TMEM132D: variants seen among roughly 807,000 people sequenced by gnomAD.
The protein encoded by TMEM132D is transmembrane protein 132D.
TMEM132D carries 21 observed loss-of-function variants against 62.3 expected under a neutral mutation model. That is an observed-to-expected ratio of 0.34 (90% CI 0.24 to 0.49). The LOEUF (loss-of-function observed/expected upper bound fraction) is 0.49. TMEM132D is among the 20% of genes least tolerant of loss of function. The pLI, the probability that TMEM132D is intolerant of heterozygous loss-of-function variation, is 0.99. For synonymous variants in TMEM132D, 621 were observed against 575.6 expected, an observed-to-expected ratio of 1.08 and a Z score of -1.13; for missense variants, 1,346 against 1,402.8, an observed-to-expected ratio of 0.96 and a Z score of 0.65.
At chr12:129,301,153 C>A (rs149179612) in intron 4 of TMEM132D, among the ~76,000 whole-genome samples, 21 of 152,282 alleles carry the variant, frequency 1.4e-4, no homozygotes, top group Admixed American at 6.5e-4. Flanking sequence ...AGAGCAGAAG[C>A]TGGAAAGCAA....
intron 2 of TMEM132D, among the ~76,000 whole-genome samples, chr12:129,574,102 A>G (rs1049968278): frequency 1.3e-5 from 2 of 151,994 alleles, no homozygotes; most frequent in African/African-American, 4.9e-5. Context: ...AGGAACAAAC[A>G]TTAAACTCGA....
At chr12:129,287,739 T>G (rs1183303241) in intron 4 of TMEM132D, among the ~76,000 whole-genome samples, 1 of 67,252 alleles carries the variant, frequency 1.5e-5, no homozygotes, top group African/African-American at 3.6e-5. Flanking sequence ...GGTATTCATG[T>G]TAAAAAAGGT....
At chr12:129,432,239 ATGGATGGT>A (rs1872678851) in intron 3 of TMEM132D, among the ~76,000 whole-genome samples, 1 of 150,670 alleles carries the variant, frequency 6.6e-6, no homozygotes, top group Non-Finnish European at 1.5e-5. Flanking sequence ...GGATGGATGG[ATGGATGGT>A]TGCTTGGATG....
intron 5 of TMEM132D, among the ~76,000 whole-genome samples, chr12:129,155,096 A>T (rs1593279026): frequency 6.6e-6 from 1 of 152,256 alleles, no homozygotes; most frequent in Non-Finnish European, 1.5e-5. Context: ...CACATCAATG[A>T]TTCCTTACAT....
At chr12:129,297,950 T>G (rs1881617963) in intron 4 of TMEM132D, among the ~76,000 whole-genome samples, 1 of 152,154 alleles carries the variant, frequency 6.6e-6, no homozygotes. Flanking sequence ...AATTAAATGT[T>G]TTTTAGGAAG....
At chr12:129,282,372 A>C (rs563217671) in intron 4 of TMEM132D, among the ~76,000 whole-genome samples, 17 of 152,286 alleles carry the variant, frequency 1.1e-4, no homozygotes, top group Admixed American at 7.2e-4. Context: ...GCACATAAAA[A>C]AATATCTGCA....
At chr12:129,715,849 C>A (rs964390753) in intron 1 of TMEM132D, among the ~76,000 whole-genome samples, 1 of 152,184 alleles carries the variant, frequency 6.6e-6, no homozygotes, top group African/African-American at 2.4e-5. Flanking sequence ...TAGGCTATGA[C>A]GCTAGGAGTC....
chr12:129,530,651 C>T lies in TMEM132D; in HGVS notation c.1115+408G>A, dbSNP rs569096241. 2.2e-4 allele frequency among the ~76,000 whole-genome samples: 33 copies of T among 152,272 alleles called. 1 individual carries two copies. The highest frequency in any genetic ancestry group is 2.9e-5 in the Non-Finnish European group (2 of 68,030). On this transcript the variant is annotated intron_variant, in intron 3 of 8. Coordinates refer to ENST00000422113, the MANE Select transcript of TMEM132D (RefSeq NM_133448.3). ...ATTGTATTTAAATATACACTGCAAA[C>T]GTGGAATGCACCCGTGTGAAGAGAG... is the stretch of plus-strand genomic sequence containing the variant.
At position 129,145,453 on chromosome 12, in the gene TMEM132D, A is replaced by G. The variant is rs1383550354; in HGVS notation, c.1444-60751T>C. Among the ~76,000 whole-genome samples, 4 of 152,092 alleles carry G rather than the reference A, an allele frequency of 2.6e-5. No homozygotes were observed. The East Asian group carries it at 7.7e-4, about 29-fold the overall frequency. Reference sequence around the variant, plus strand: ...GCAGGTGCATTTGCTAGGAGAGGCCACGGACTTCTGTCAGATGTGAAGAAC... The same window carrying G: ...GCAGGTGCATTTGCTAGGAGAGGCCGCGGACTTCTGTCAGATGTGAAGAAC... On this transcript the variant is annotated intron_variant, in intron 5 of 8. Coordinates refer to ENST00000422113, the MANE Select transcript of TMEM132D (RefSeq NM_133448.3).
intron 2 of TMEM132D, among the ~76,000 whole-genome samples, chr12:129,685,084 C>T (rs1880874708): frequency 6.6e-6 from 1 of 152,168 alleles, no homozygotes; most frequent in African/African-American, 2.4e-5. Flanking sequence ...TTCAGAAAAT[C>T]AATGACCTGA....
intron 3 of TMEM132D, among the ~76,000 whole-genome samples, chr12:129,367,268 G>A (rs376860576): frequency 6.7e-6 from 1 of 148,910 alleles, no homozygotes; most frequent in South Asian, 2.1e-4. Context: ...CTGTCTGTCT[G>A]TCTATCCATC....
rs142802873 is a variant in TMEM132D, at chr12:129,535,642, T to G, written c.969-4437A>C. The stretch of plus-strand genomic sequence containing the variant: ...GCATATTCATGTATGAAATTCACAC[T>G]GGGGCTATTGAACTAATACAAATGT... On this transcript the variant is annotated intron_variant, in intron 2 of 8. Coordinates refer to ENST00000422113, the MANE Select transcript of TMEM132D (RefSeq NM_133448.3). Among the ~76,000 whole-genome samples, 161 of 152,270 alleles carry G rather than the reference T, an allele frequency of 1.1e-3. 3 individuals carry two copies. The highest frequency in any genetic ancestry group is 3.7e-3 in the African/African-American group (154 of 41,546).
chr12:129,756,538 G>C lies in TMEM132D; in HGVS notation c.80-55840C>G, dbSNP rs973682845. Reference sequence around the variant, plus strand: ...GGGCTGGGGAAGTCGTAAACAGGGAGTTTATGTTTAAGGGGTGCAGAGCTG... The same window carrying C: ...GGGCTGGGGAAGTCGTAAACAGGGACTTTATGTTTAAGGGGTGCAGAGCTG... On this transcript the variant is annotated intron_variant, in intron 1 of 8. Transcript: ENST00000422113. 5.9e-5 allele frequency among the ~76,000 whole-genome samples: 9 copies of C among 152,178 alleles called. No homozygotes were observed. In the East Asian group the frequency reaches 1.7e-3, roughly 29 times the overall value.
intron 2 of TMEM132D, among the ~76,000 whole-genome samples, chr12:129,662,777 G>C (rs1248147461): frequency 9.9e-6 from 1 of 100,526 alleles, no homozygotes; most frequent in South Asian, 3.7e-4. Context: ...TGGCGACAGA[G>C]CAAGATTCCA....
chr12:129,479,018 C>A (rs1484044461), intron 3 of TMEM132D, among the ~76,000 whole-genome samples: 1 of 152,192 alleles, frequency 6.6e-6, no homozygotes, highest in African/African-American at 2.4e-5. Context: ...TGTTCTCTTA[C>A]GTTCTGCGTG....
chr12:129,338,769 G>C (rs545841362), intron 3 of TMEM132D, among the ~76,000 whole-genome samples: 1 of 152,284 alleles, frequency 6.6e-6, no homozygotes, highest in East Asian at 1.9e-4. Context: ...ACATGTAGGA[G>C]AATAAGGTTT....
rs1264961450 is a variant in TMEM132D, at chr12:129,525,235, T to G, written c.1115+5824A>C. On this transcript the variant is annotated intron_variant, in intron 3 of 8. Transcript: ENST00000422113. The stretch of plus-strand genomic sequence containing the variant: ...CCACGGTGCCCAGCCGGTTTTTTTT[T>G]TTTTTTTTTTTTTTTTTTTTGCTAA... Among the ~76,000 whole-genome samples, 400 of 131,494 alleles carry G rather than the reference T, an allele frequency of 3.0e-3. 3 individuals carry two copies. Among genetic ancestry groups the G allele is most frequent in the Non-Finnish European group, 5.3e-3 (341 of 64,108 alleles). The allele number at this position is 131,494 out of a possible 152,430, so 86.3% of individuals were successfully genotyped here.
chr12:129,782,666 G>C (rs1871152115), intron 1 of TMEM132D, among the ~76,000 whole-genome samples: 1 of 152,140 alleles, frequency 6.6e-6, no homozygotes, highest in Non-Finnish European at 1.5e-5. Flanking sequence ...GATAAAGCCA[G>C]GTAAGTCACA....
rs943023586 is a variant in TMEM132D, at chr12:129,084,783, G to C, written c.1444-81C>G. 7 of 1,417,270 alleles carry C rather than the reference G, an allele frequency of 4.9e-6. No homozygotes were observed. In the African/African-American group the frequency reaches 9.9e-5, roughly 20 times the overall value. 87.8% of individuals were successfully genotyped at this position (1,417,270 alleles called of 1,614,324 possible). A position where few individuals can be genotyped will look rare whatever the true frequency, so the allele number is the denominator to read the frequency against. ...ATGGCCCAAGGAGGAGGAAAGGGAAGTGCCCTGGCTGGTGGAGGTGCTTCC... is the reference window on the plus strand; with the variant it reads ...ATGGCCCAAGGAGGAGGAAAGGGAACTGCCCTGGCTGGTGGAGGTGCTTCC... On this transcript the variant is annotated intron_variant, in intron 5 of 8. Coordinates refer to ENST00000422113, the MANE Select transcript of TMEM132D (RefSeq NM_133448.3).
Sources: gnomAD v4.1 joint callset for allele counts (sites outside exome capture counted in the v4.1 genomes callset) on GRCh38, gnomAD v4.1.1 for gene constraint, MANE v1.5 for transcripts, NCBI Gene and HGNC (gene_info 2026-07-23, HGNC 2026-07-21) for gene names.